Variants in ALDH3A1 observed in about 807,000 individuals in gnomAD.
The protein encoded by ALDH3A1 is aldehyde dehydrogenase 3 family member A1.
In ALDH3A1, 46 loss-of-function variants were observed where a neutral mutation model predicts 49.9. The observed-to-expected ratio is 0.92, with a 90% CI of 0.73 to 1.18. The LOEUF is 1.18. ALDH3A1 is among the 50% of genes most tolerant of loss of function. The probability of loss-of-function intolerance (pLI) is 0.00; values close to 1 mark genes in which losing one functional copy is unlikely to be tolerated. For missense variants in ALDH3A1, 592 were observed against 611.8 expected (o/e 0.97, Z 0.34); for synonymous variants, 269 against 253.3 (o/e 1.06, Z -0.59).
chr17:19,744,725 G>A, intron 2 of ALDH3A1: 1 of 1,353,648 alleles, frequency 7.4e-7, no homozygotes, highest in Non-Finnish European at 9.5e-7. Flanking sequence ...GTTGAAATGG[G>A]GGACGCTGCG....
rs1323936572 is a variant in ALDH3A1, at chr17:19,742,075, A to T, written c.618T>A (p.Pro206=). 1.9e-6 allele frequency: 3 copies of T among 1,614,024 alleles called. No individual in the cohort carries two copies. Among genetic ancestry groups the T allele is most frequent in the Non-Finnish European group, 2.5e-6 (3 of 1,180,018 alleles). ...IMTAAAKHLT[P]VTLELGGKSP... ...TCTTCCCTCCCAGCTCCAGCGTGAC[A>T]GGGGTCAGGTGCTTGGCAGCAGCCG... Residue 206 remains proline (P), a synonymous_variant, in exon 5 of 11, where the codon CCT becomes CCA. Transcript: ENST00000225740.
rs938535179 is a variant in ALDH3A1 at position 19,743,055 on chromosome 17, G to A, written c.394+177C>T. 6.5e-6 allele frequency: 10 copies of A among 1,533,416 alleles called. No individual in the cohort carries two copies. The African/African-American group carries it at 6.9e-5, about 11-fold the overall frequency. The allele number at this position is 1,533,416 out of a possible 1,614,324, so 95.0% of individuals were successfully genotyped here. A position where few individuals can be genotyped will look rare whatever the true frequency, so the allele number is the denominator to read the frequency against. ...CAGGTGTGGACACCTGAGCCTGACT[G>A]GACCTCAGGCACCAAGAGGCCTGGC... On this transcript the variant is annotated intron_variant, in intron 3 of 10. Coordinates refer to ENST00000225740, the MANE Select transcript of ALDH3A1 (RefSeq NM_000691.5). This position sits in a 1 kb window ranked among gnomAD's most constrained non-coding sequence, Gnocchi z 4.4.
Position 19,743,808 on chromosome 17 carries a change from G to C in ALDH3A1, c.163-345C>G. The C allele has an allele frequency of 5.2e-6, 5 of 967,276 alleles. No homozygotes were observed. Among genetic ancestry groups the C allele is most frequent in the Non-Finnish European group, 6.1e-6 (5 of 815,652 alleles). 59.9% of individuals were successfully genotyped at this position (967,276 alleles called of 1,614,324 possible). Reference sequence around the variant, plus strand: ...CAGGCAGTGGGAATGGATCCGGGGAGGGGGGGATGGATCCGGGGAGGGGGG... The same window carrying C: ...CAGGCAGTGGGAATGGATCCGGGGACGGGGGGATGGATCCGGGGAGGGGGG... On this transcript the variant is annotated intron_variant, in intron 2 of 10. Coordinates refer to ENST00000225740, the MANE Select transcript of ALDH3A1 (RefSeq NM_000691.5). This position sits in a 1 kb window ranked among gnomAD's most constrained non-coding sequence, Gnocchi z 4.4.
chr17:19,738,330 G>A lies in ALDH3A1; in HGVS notation c.1340C>T (p.Pro447Leu), dbSNP rs374060290. The A allele has an allele frequency of 2.5e-5, 40 of 1,612,846 alleles. No individual in the cohort carries two copies. Among genetic ancestry groups the A allele is most frequent in the South Asian group, 2.0e-4 (18 of 91,064 alleles). The change falls in exon 10 of 11, where the codon CCG (proline) becomes CTG (leucine). Residue 447 changes from proline (P) to leucine (L), a missense_variant. Transcript: ENST00000225740. The stretch of plus-strand genomic sequence containing the variant: ...GCGCCTTCCCCCTCTCACCTTGGCC[G>A]GGCTCGGGGGGTATCTGACCTTCAG... ...EGLKVRYPPS[P>L]AKMTQH
chr17:19,739,410 C>A, intron 8 of ALDH3A1, 98 bp downstream of exon 8: 1 of 1,407,304 alleles, frequency 7.1e-7, no homozygotes. Flanking sequence ...AGTGACTTGC[C>A]CAAGGTCACA....
intron 6 of ALDH3A1, 25 bp from the exon 7 acceptor site, chr17:19,740,502 G>A (rs371403304): frequency 1.9e-5 from 31 of 1,612,140 alleles, no homozygotes; most frequent in East Asian, 4.5e-5. Context: ...TGGGGGCTTC[G>A]GGTAAGGACG....
chr17:19,744,895 T>TACCCCCC, intron 2 of ALDH3A1, 73 bp downstream of exon 2: 1 of 924,176 alleles, frequency 1.1e-6, no homozygotes, highest in Non-Finnish European at 1.4e-6. Context: ...GGTCGCACTC[T>TACCCCCC]CCCCAGCCCC....
intron 6 of ALDH3A1, among the ~76,000 whole-genome samples, 159 bp downstream of exon 6, chr17:19,740,934 G>A (rs1051292542): frequency 6.6e-6 from 1 of 152,202 alleles, no homozygotes; most frequent in African/African-American, 2.4e-5. Context: ...CCAAAGTGCT[G>A]GGATTACCGG....
At chr17:19,747,796 C>G (rs1408355738) in intron 1 of ALDH3A1, 1 of 153,100 alleles carries the variant, frequency 6.5e-6, no homozygotes, top group Non-Finnish European at 1.5e-5. Context: ...CTTCCATCCT[C>G]ACAAAAGCTC....
In ALDH3A1 at chr17:19,743,019, C is replaced by G. The variant is rs1458190348; in HGVS notation, c.394+213G>C. On this transcript the variant is annotated intron_variant, in intron 3 of 10. Transcript: ENST00000225740. The surrounding 1 kb of genome is among the most constrained non-coding windows in gnomAD (Gnocchi z 4.4). ...ACAGGGGTGGGGGAAGGCAGGCCCTCTCTGTATCACCAGGTGTGGACACCT... is the reference window on the plus strand; with the variant it reads ...ACAGGGGTGGGGGAAGGCAGGCCCTGTCTGTATCACCAGGTGTGGACACCT... 1 of 1,532,144 alleles carries G rather than the reference C, an allele frequency of 6.5e-7. No homozygotes were observed. Among genetic ancestry groups the G allele is most frequent in the South Asian group, 1.2e-5 (1 of 83,078 alleles). 94.9% of individuals were successfully genotyped at this position (1,532,144 alleles called of 1,614,324 possible).
In ALDH3A1 at chr17:19,743,311, C is replaced by T. The variant is rs570560991; in HGVS notation, c.315G>A (p.Leu105=). ...QDELYIHSEP[L]GVVLVIGTWN... is the part of the protein sequence containing the mutation. ...AGGTGCCAATGACGAGGACCACGCC[C>T]AGTGGCTCCGAGTGGATGTAGAGCT... The change falls in exon 3 of 11, where the codon CTG becomes CTA. Residue 105 remains leucine (L), a synonymous_variant. Transcript: ENST00000225740. The surrounding 1 kb of genome is among the most constrained non-coding windows in gnomAD (Gnocchi z 4.4). 2 of 1,614,180 alleles carry T rather than the reference C, an allele frequency of 1.2e-6. No homozygotes were observed. The highest frequency in any genetic ancestry group is 2.2e-5 in the South Asian group (2 of 91,086).
chr17:19,748,265 C>T lies in ALDH3A1; in HGVS notation c.-12G>A. On this transcript the variant is annotated 5_prime_UTR_variant, in exon 1 of 11. Transcript: ENST00000225740. The surrounding 1 kb of genome is among the most constrained non-coding windows in gnomAD (Gnocchi z 4.4). ...ATGCAGGGAAGAGGATTACCTTTGACACAGCCTCTCCCGGTAACTGGGGCT... is the reference window on the plus strand; with the variant it reads ...ATGCAGGGAAGAGGATTACCTTTGATACAGCCTCTCCCGGTAACTGGGGCT... 1.2e-5 allele frequency: 6 copies of T among 507,984 alleles called. No homozygotes were observed. Among genetic ancestry groups the T allele is most frequent in the South Asian group, 8.6e-5 (6 of 69,950 alleles). 31.5% of individuals were successfully genotyped at this position (507,984 alleles called of 1,614,324 possible).
Position 19,738,109 on chromosome 17 carries a change from G to GGGGCT in ALDH3A1, c.*107_*111dup. 6.3e-7 allele frequency: 1 copy of GGGGCT among 1,598,692 alleles called. No homozygotes were observed. Among genetic ancestry groups the GGGGCT allele is most frequent in the Non-Finnish European group, 8.5e-7 (1 of 1,177,884 alleles). On this transcript the variant is annotated 3_prime_UTR_variant, in exon 11 of 11. Transcript: ENST00000225740. Reference sequence around the variant, plus strand: ...CAGGTCAGCAGGTCAGCAGAGGAGTGGGGCTGGGCTGGGGCTGCAGGAGCG... The same window carrying GGGGCT: ...CAGGTCAGCAGGTCAGCAGAGGAGTGGGGCTGGGCTGGGCTGGGGCTGCAGGAGCG...
Position 19,748,134 on chromosome 17 carries a change from A to T in ALDH3A1, c.-6+125T>A. 1 of 323,024 alleles carries T rather than the reference A, an allele frequency of 3.1e-6. No individual in the cohort carries two copies. The highest frequency in any genetic ancestry group is 2.5e-5 in the South Asian group (1 of 39,780). 20.0% of individuals were successfully genotyped at this position (323,024 alleles called of 1,614,324 possible). A position where few individuals can be genotyped will look rare whatever the true frequency, so the allele number is the denominator to read the frequency against. ...GGTCCAGGAGGATGCTCCAGAGATG[A>T]TGGTCCCAGAGGCAGGGACCCCCTG... On this transcript the variant is annotated intron_variant, in intron 1 of 10. Transcript: ENST00000225740. The surrounding 1 kb of genome is among the most constrained non-coding windows in gnomAD (Gnocchi z 4.4).
At chr17:19,741,919 A>G (rs2086499178) in intron 5 of ALDH3A1, 85 bp downstream of exon 5, 1 of 1,343,890 alleles carries the variant, frequency 7.4e-7, no homozygotes, top group Non-Finnish European at 1.0e-6. Context: ...TGTTACTCAG[A>G]GTGGACCCAC....
intron 1 of ALDH3A1, among the ~76,000 whole-genome samples, chr17:19,746,249 A>C (rs1324278825): frequency 6.6e-6 from 1 of 152,098 alleles, no homozygotes; most frequent in Non-Finnish European, 1.5e-5. Flanking sequence ...ATTATCTGGG[A>C]GTGGTGGCAG....
chr17:19,742,290 T>C, intron 4 of ALDH3A1, 78 bp from the exon 5 acceptor site: 1 of 1,482,698 alleles, frequency 6.7e-7, no homozygotes, highest in Non-Finnish European at 9.3e-7. Flanking sequence ...TGAGTTGCAG[T>C]GGCCAAGACC....
At position 19,741,462 on chromosome 17, in the gene ALDH3A1, A is replaced by C. The variant is rs2086491133; in HGVS notation, c.690-252T>G. 3 of 448,312 alleles carry C rather than the reference A, an allele frequency of 6.7e-6. No homozygotes were observed. In the South Asian group the frequency reaches 7.5e-5, roughly 11 times the overall value. The allele number at this position is 448,312 out of a possible 1,614,324, so 27.8% of individuals were successfully genotyped here. A position where few individuals can be genotyped will look rare whatever the true frequency, so the allele number is the denominator to read the frequency against. Reference sequence around the variant, plus strand: ...AGGGCAACCTCCGTGCTCCCTGATCACGCCCTTGTCCTGCACAGCCAGGTG... The same window carrying C: ...AGGGCAACCTCCGTGCTCCCTGATCCCGCCCTTGTCCTGCACAGCCAGGTG... On this transcript the variant is annotated intron_variant, in intron 5 of 10. Transcript: ENST00000225740.
In ALDH3A1 at chr17:19,743,745, A is replaced by C. The variant is rs1382020388; in HGVS notation, c.163-282T>G. 1.1e-5 allele frequency: 11 copies of C among 971,936 alleles called. No homozygotes were observed. The highest frequency in any genetic ancestry group is 1.2e-5 in the Non-Finnish European group (10 of 827,380). 60.2% of individuals were successfully genotyped at this position (971,936 alleles called of 1,614,324 possible). Reference sequence around the variant, plus strand: ...CAGGCATGGGCAACGGAATGGATCCAGGTAGGGGGAATAGAGCCGGGCAGG... The same window carrying C: ...CAGGCATGGGCAACGGAATGGATCCCGGTAGGGGGAATAGAGCCGGGCAGG... On this transcript the variant is annotated intron_variant, in intron 2 of 10. Transcript: ENST00000225740. The surrounding 1 kb of genome is among the most constrained non-coding windows in gnomAD (Gnocchi z 4.4).
Sources: allele counts gnomAD v4.1 joint callset (sites outside exome capture counted in the v4.1 genomes callset), GRCh38; gene constraint gnomAD v4.1.1; non-coding constraint Gnocchi (gnomAD v3.1); transcripts MANE v1.5; gene names NCBI Gene and HGNC (gene_info 2026-07-23, HGNC 2026-07-21).